Variants in TUBD1 observed in about 807,000 individuals in gnomAD.
TUBD1 encodes tubulin delta chain.
TUBD1 carries 38 observed loss-of-function variants against 51.2 expected under a neutral mutation model. The observed-to-expected ratio is 0.74, with a 90% CI of 0.57 to 0.97. The LOEUF is 0.97. TUBD1 is among the 50% of genes least tolerant of loss of function. The probability of loss-of-function intolerance (pLI) is 0.00; values close to 1 mark genes in which losing one functional copy is unlikely to be tolerated. For synonymous variants in TUBD1, 169 were observed against 178.2 expected (o/e 0.95, Z 0.41); for missense variants, 489 against 538.4 (o/e 0.91, Z 0.91).
intron 6 of TUBD1, among the ~76,000 whole-genome samples, chr17:59,866,972 T>C (rs2039735513): frequency 6.6e-6 from 1 of 152,076 alleles, no homozygotes; most frequent in South Asian, 2.1e-4. Context: ...TTTTTGTATT[T>C]TTAGTAGAGA....
rs371562831 is a variant in TUBD1 at position 59,861,950 on chromosome 17, G to A, written c.1260-1526C>T. ...CAAAGTGCTGGAATTACAGGTGTGAGCCACTGCACCCAGCCTGAGTGGGGT... is the reference window on the plus strand; with the variant it reads ...CAAAGTGCTGGAATTACAGGTGTGAACCACTGCACCCAGCCTGAGTGGGGT... On this transcript the variant is annotated intron_variant, in intron 8 of 8. Coordinates refer to ENST00000325752, the MANE Select transcript of TUBD1 (RefSeq NM_016261.4). 7.2e-5 allele frequency among the ~76,000 whole-genome samples: 11 copies of A among 151,744 alleles called. No individual in the cohort carries two copies. The East Asian group carries it at 7.8e-4, about 11-fold the overall frequency.
chr17:59,867,505 C>T (rs181227708), intron 6 of TUBD1, among the ~76,000 whole-genome samples: 55 of 150,922 alleles, frequency 3.6e-4, no homozygotes, highest in Non-Finnish European at 6.6e-4. Context: ...TCCAGGAGTT[C>T]GAGACCAGCC....
intron 4 of TUBD1, 33 bp downstream of exon 4, chr17:59,880,861 A>G (rs1389608201): frequency 1.3e-6 from 2 of 1,577,870 alleles, no homozygotes; most frequent in African/African-American, 2.7e-5. Flanking sequence ...CAAAGAACAT[A>G]AAACATAAAC....
chr17:59,875,301 C>T (rs552507191), intron 5 of TUBD1, among the ~76,000 whole-genome samples: 3 of 150,898 alleles, frequency 2.0e-5, no homozygotes, highest in Non-Finnish European at 4.4e-5. Flanking sequence ...GGTCTCGATC[C>T]CCTGATCTCA....
intron 3 of TUBD1, among the ~76,000 whole-genome samples, chr17:59,883,086 C>T (rs924162244): frequency 6.6e-6 from 1 of 150,764 alleles, no homozygotes; most frequent in African/African-American, 2.4e-5. Flanking sequence ...TACCCAGCCG[C>T]CCGGCTAATT....
rs555424816 is a variant in TUBD1 at position 59,873,709 on chromosome 17, A to G, written c.934+830T>C. Among the ~76,000 whole-genome samples, 4 of 151,952 alleles carry G rather than the reference A, an allele frequency of 2.6e-5. No individual in the cohort carries two copies. In the East Asian group the frequency reaches 7.8e-4, roughly 30 times the overall value. The stretch of plus-strand genomic sequence containing the variant: ...GAAACCTCATCTCTACTAAAAATAC[A>G]AAAAAATTAGCCAGGCATGGTAGCA... On this transcript the variant is annotated intron_variant, in intron 6 of 8. Coordinates refer to ENST00000325752, the MANE Select transcript of TUBD1 (RefSeq NM_016261.4).
At chr17:59,891,431 G>A (rs900117430) in intron 1 of TUBD1, among the ~76,000 whole-genome samples, 1 of 151,994 alleles carries the variant, frequency 6.6e-6, no homozygotes, top group Non-Finnish European at 1.5e-5. Context: ...CACCACGCCC[G>A]GCCCAAAAAG....
chr17:59,881,020 G>GA lies in TUBD1; in HGVS notation c.410dup (p.Ile138HisfsTer42), dbSNP rs779487850. On this transcript the variant is annotated frameshift_variant, in exon 4 of 9. Coordinates refer to ENST00000325752, the MANE Select transcript of TUBD1 (RefSeq NM_016261.4). LOFTEE classifies it high-confidence loss of function. ...TGCCCCCAGCCATACTCATTATGAT[G>GA]AAAAAACCACTGAAAGAGTCACATT... 1.7e-5 allele frequency: 27 copies of GA among 1,613,964 alleles called. No homozygotes were observed. The highest frequency in any genetic ancestry group is 2.7e-5 in the African/African-American group (2 of 74,898).
intron 7 of TUBD1, among the ~76,000 whole-genome samples, chr17:59,865,493 T>A (rs1031448207): frequency 6.6e-6 from 1 of 152,102 alleles, no homozygotes; most frequent in Non-Finnish European, 1.5e-5. Flanking sequence ...GGCAGGAGAA[T>A]CACTTGAACC....
chr17:59,887,240 C>T lies in TUBD1; in HGVS notation c.173-1010G>A, dbSNP rs535719607. ...ATACAAAATTAGCAAGACTTGGTGG[C>T]GTGTGCCTGTAATCTCAGCTACTCA... On this transcript the variant is annotated intron_variant, in intron 2 of 8. Coordinates refer to ENST00000325752, the MANE Select transcript of TUBD1 (RefSeq NM_016261.4). Among the ~76,000 whole-genome samples the T allele has an allele frequency of 2.6e-5, 4 of 152,014 alleles. No homozygotes were observed. The South Asian group carries it at 8.3e-4, about 32-fold the overall frequency.
chr17:59,892,512 ACT>A (rs1439144890), intron 1 of TUBD1, among the ~76,000 whole-genome samples, 183 bp downstream of exon 1: 2 of 152,168 alleles, frequency 1.3e-5, no homozygotes, highest in Admixed American at 6.5e-5. Context: ...TGTGAGACAG[ACT>A]CTGTGCTTAA....
At position 59,886,116 on chromosome 17, in the gene TUBD1, T is replaced by C; in HGVS notation, c.287A>G (p.Gln96Arg). Reference sequence around the variant, plus strand: ...CCAGTTGTTTCCAGAACCTTGTTTTTGACAGAAGCATGCATGTTGACCATA... The same window carrying C: ...CCAGTTGTTTCCAGAACCTTGTTTTCGACAGAAGCATGCATGTTGACCATA... ...WKYGQHACFC[Q>R]KQGSGNNWAY... The change falls in exon 3 of 9, where the codon CAA (glutamine) becomes CGA (arginine). Residue 96 changes from glutamine to arginine, a missense_variant. Gln to Arg is a conservative substitution (Grantham distance 43). Transcript: ENST00000325752. The C allele has an allele frequency of 3.1e-6, 5 of 1,614,088 alleles. No homozygotes were observed. The South Asian group carries it at 3.3e-5, about 11-fold the overall frequency.
intron 6 of TUBD1, among the ~76,000 whole-genome samples, chr17:59,870,205 A>G (rs1235093293): frequency 1.3e-5 from 2 of 151,830 alleles, no homozygotes; most frequent in Non-Finnish European, 2.9e-5. Context: ...TACTAAAAAT[A>G]CAAAAATTAG....
intron 5 of TUBD1, among the ~76,000 whole-genome samples, chr17:59,876,355 TTTTG>T (rs2040224133): frequency 6.7e-6 from 1 of 149,942 alleles, no homozygotes; most frequent in Non-Finnish European, 1.5e-5. Flanking sequence ...TTTGTTTTTT[TTTTG>T]TTTTTTTTTT....
intron 1 of TUBD1, among the ~76,000 whole-genome samples, 154 bp from the exon 2 acceptor site, chr17:59,891,195 T>G (rs1224973620): frequency 1.3e-5 from 2 of 152,130 alleles, no homozygotes; most frequent in African/African-American, 2.4e-5. Context: ...CAGTGGCATG[T>G]TCTCGGCTTA....
chr17:59,889,868 G>A (rs1282900684), intron 2 of TUBD1, among the ~76,000 whole-genome samples: 1 of 151,144 alleles, frequency 6.6e-6, no homozygotes, highest in Admixed American at 6.6e-5. Context: ...TACTTGGGAG[G>A]CTGAGGCAGG....
chr17:59,891,838 G>C (rs1009613975), intron 1 of TUBD1: 1 of 152,000 alleles, frequency 6.6e-6, no homozygotes, highest in East Asian at 1.9e-4. Context: ...GGTGGTGTGC[G>C]CCTGCAGTCC....
chr17:59,861,012 A>G (rs1040466931), intron 8 of TUBD1, among the ~76,000 whole-genome samples: 1 of 152,000 alleles, frequency 6.6e-6, no homozygotes, highest in Non-Finnish European at 1.5e-5. Flanking sequence ...ATATATATAC[A>G]TATATAACAC....
At chr17:59,878,878 T>G (rs967982341) in intron 4 of TUBD1, 1 of 152,834 alleles carries the variant, frequency 6.5e-6, no homozygotes, top group African/African-American at 2.4e-5. Flanking sequence ...CAACAAAAAT[T>G]GGCCATTATT....
Sources: allele counts gnomAD v4.1 joint callset (sites outside exome capture counted in the v4.1 genomes callset), GRCh38; gene constraint gnomAD v4.1.1; transcripts MANE v1.5; gene names NCBI Gene and HGNC (gene_info 2026-07-23, HGNC 2026-07-21).